Variants in DTNBP1 observed in about 807,000 individuals in gnomAD.
DTNBP1 encodes the protein dysbindin.
A neutral mutation model predicts 42.8 loss-of-function variants in DTNBP1; 35 were observed. That is an observed-to-expected ratio of 0.82 (90% CI 0.63 to 1.09). The LOEUF (loss-of-function observed/expected upper bound fraction) is 1.09. Among genes scored for constraint, DTNBP1 ranks in the 50% least tolerant of loss-of-function variants. DTNBP1 has a pLI of 0.00. For missense variants in DTNBP1, 457 were observed against 424.2 expected, an observed-to-expected ratio of 1.08 and a Z score of -0.68; for synonymous variants, 171 against 162.2, an observed-to-expected ratio of 1.05 and a Z score of -0.41.
chr6:15,584,898 T>G (rs556335592), intron 7 of DTNBP1, among the ~76,000 whole-genome samples: 3 of 148,730 alleles, frequency 2.0e-5, no homozygotes, highest in Non-Finnish European at 4.5e-5. Flanking sequence ...CAACAAAAAA[T>G]GCACAGTTAA....
chr6:15,614,353 C>A (rs1758599989), intron 6 of DTNBP1, among the ~76,000 whole-genome samples: 1 of 151,814 alleles, frequency 6.6e-6, no homozygotes, highest in African/African-American at 2.4e-5. Context: ...ACTCCTAACA[C>A]CAAGAGTGTA....
intron 4 of DTNBP1, among the ~76,000 whole-genome samples, chr6:15,628,507 G>A (rs1759493941): frequency 7.0e-6 from 1 of 143,810 alleles, no homozygotes; most frequent in South Asian, 2.2e-4. Flanking sequence ...CCAGGTTCAT[G>A]CGATTCTCCT....
rs1281270988 is a variant in DTNBP1, at chr6:15,615,346, C to CT, written c.408dup (p.Asp137ArgfsTer7). On this transcript the variant is annotated frameshift_variant, in exon 6 of 10. Transcript: ENST00000344537. LOFTEE classifies it high-confidence loss of function. ...TCTAATTCACACTGCCCACATAAGT[C>CT]TTCCAGATGCAGCAGGTTGTTCTCT... 1.2e-6 allele frequency: 2 copies of CT among 1,614,122 alleles called. No homozygotes were observed. Among genetic ancestry groups the CT allele is most frequent in the Non-Finnish European group, 1.7e-6 (2 of 1,180,028 alleles).
chr6:15,547,163 A>C (rs147505285), intron 7 of DTNBP1, among the ~76,000 whole-genome samples: 1,813 of 152,296 alleles, frequency 0.012, 15 homozygotes, highest in Non-Finnish European at 0.02. Context: ...GCTGCATAAA[A>C]GACTTTAGAA....
chr6:15,574,798 G>A (rs955915456), intron 7 of DTNBP1, among the ~76,000 whole-genome samples: 1 of 152,104 alleles, frequency 6.6e-6, no homozygotes, highest in Non-Finnish European at 1.5e-5. Context: ...CTGGTGGTAG[G>A]ACCCTCTAAT....
chr6:15,582,089 G>A (rs1019374115), intron 7 of DTNBP1, among the ~76,000 whole-genome samples: 5 of 152,142 alleles, frequency 3.3e-5, no homozygotes, highest in African/African-American at 1.2e-4. Flanking sequence ...TACAGTTAAA[G>A]ATGAAATCTC....
At chr6:15,595,098 G>C (rs993648531) in intron 6 of DTNBP1, 1 of 455,964 alleles carries the variant, frequency 2.2e-6, no homozygotes, top group African/African-American at 2.0e-5. Context: ...GTCACACAGC[G>C]TCATGACCCA....
In DTNBP1 at chr6:15,602,951, A is replaced by T. The variant is rs559494535; in HGVS notation, c.489-9870T>A. ...ATTTAAAAATGGCAAACAGATACTC[A>T]TTGTTCAAAATAAAGCTTTATGAAC... On this transcript the variant is annotated intron_variant, in intron 6 of 9. Transcript: ENST00000344537. Among the ~76,000 whole-genome samples the T allele has an allele frequency of 1.2e-3, 187 of 152,370 alleles. 2 individuals carry two copies. Among genetic ancestry groups the T allele is most frequent in the African/African-American group, 4.2e-3 (175 of 41,596 alleles).
intron 3 of DTNBP1, among the ~76,000 whole-genome samples, chr6:15,644,342 G>T (rs887310718): frequency 6.6e-6 from 1 of 152,072 alleles, no homozygotes; most frequent in Non-Finnish European, 1.5e-5. Flanking sequence ...AACAGTGGGG[G>T]ACTTCAACAC....
At chr6:15,623,641 A>T (rs1286038984) in intron 5 of DTNBP1, among the ~76,000 whole-genome samples, 1 of 152,230 alleles carries the variant, frequency 6.6e-6, no homozygotes, top group Non-Finnish European at 1.5e-5. Flanking sequence ...AGGTCATATA[A>T]AATAAACTAA....
intron 7 of DTNBP1, among the ~76,000 whole-genome samples, chr6:15,572,709 A>G (rs1775388930): frequency 6.6e-6 from 1 of 152,188 alleles, no homozygotes; most frequent in South Asian, 2.1e-4. Flanking sequence ...CAGCACTCCC[A>G]GTCTGGCTCT....
chr6:15,662,269 G>A (rs1164395220), intron 1 of DTNBP1, among the ~76,000 whole-genome samples: 3 of 152,260 alleles, frequency 2.0e-5, no homozygotes, highest in Non-Finnish European at 4.4e-5. Context: ...GGGGAGGGGC[G>A]GCCAGCCTTG....
At chr6:15,614,845 G>A (rs1396221035) in intron 6 of DTNBP1, among the ~76,000 whole-genome samples, 1 of 152,220 alleles carries the variant, frequency 6.6e-6, no homozygotes, top group Non-Finnish European at 1.5e-5. Context: ...CAAAGGTAGT[G>A]TGTGACCGAG....
At chr6:15,647,664 T>C (rs563688994) in intron 3 of DTNBP1, among the ~76,000 whole-genome samples, 1 of 151,328 alleles carries the variant, frequency 6.6e-6, no homozygotes, top group East Asian at 1.9e-4. Flanking sequence ...CTATGAACAA[T>C]GTATGCTAAC....
chr6:15,534,641 C>G (rs1452004619), intron 7 of DTNBP1, among the ~76,000 whole-genome samples: 1 of 113,798 alleles, frequency 8.8e-6, no homozygotes, highest in Non-Finnish European at 1.7e-5. Context: ...GCCTGGGAGA[C>G]AGAGCGAGAC....
chr6:15,582,999 A>T lies in DTNBP1; in HGVS notation c.511+10060T>A, dbSNP rs544597248. ...GCTGATTCATTTTATTTTATTTTAG[A>T]GACAGGGTCTTGCTCTGTTGCCCAG... is the stretch of plus-strand genomic sequence containing the variant. On this transcript the variant is annotated intron_variant, in intron 7 of 9. Coordinates refer to ENST00000344537, the MANE Select transcript of DTNBP1 (RefSeq NM_032122.5). Among the ~76,000 whole-genome samples, 22 of 152,310 alleles carry T rather than the reference A, an allele frequency of 1.4e-4. No homozygotes were observed. The East Asian group carries it at 4.2e-3, about 29-fold the overall frequency.
At chr6:15,629,396 C>T (rs1759556981) in intron 4 of DTNBP1, among the ~76,000 whole-genome samples, 1 of 151,930 alleles carries the variant, frequency 6.6e-6, no homozygotes, top group South Asian at 2.1e-4. Flanking sequence ...TTAAAAATTA[C>T]ATATTAACCA....
chr6:15,630,722 C>A (rs747747340), intron 4 of DTNBP1, among the ~76,000 whole-genome samples: 3 of 152,116 alleles, frequency 2.0e-5, no homozygotes, highest in Non-Finnish European at 4.4e-5. Context: ...TCGAGACCAT[C>A]CTGGCCAACA....
At chr6:15,565,647 G>T (rs935535142) in intron 7 of DTNBP1, among the ~76,000 whole-genome samples, 2 of 152,208 alleles carry the variant, frequency 1.3e-5, no homozygotes, top group African/African-American at 2.4e-5. Flanking sequence ...AATCTATAGA[G>T]ACAAAGCTGG....
Sources: gnomAD v4.1 joint callset for allele counts (sites outside exome capture counted in the v4.1 genomes callset) on GRCh38, gnomAD v4.1.1 for gene constraint, MANE v1.5 for transcripts, NCBI Gene and HGNC (gene_info 2026-07-23, HGNC 2026-07-21) for gene names.